Variants in ANO10 observed in about 807,000 individuals in gnomAD.
The protein encoded by ANO10 is anoctamin-10.
ANO10 carries 77 observed loss-of-function variants against 74.7 expected under a neutral mutation model. That is an observed-to-expected ratio of 1.03 (90% confidence interval 0.86 to 1.25). The LOEUF is 1.25. Among genes scored for constraint, ANO10 ranks in the 50% most tolerant of loss-of-function variants. The pLI is 0.00. For synonymous variants in ANO10, 279 were observed against 284.9 expected (o/e 0.98, Z 0.21); for missense variants, 721 against 778.1 (o/e 0.93, Z 0.87).
chr3:43,466,231 C>T (rs1018211405), intron 11 of ANO10, among the ~76,000 whole-genome samples: 5 of 151,486 alleles, frequency 3.3e-5, no homozygotes, highest in African/African-American at 9.7e-5. Flanking sequence ...ATTAGCCAGG[C>T]GTGGTGGTGC....
At chr3:43,455,614 G>C (rs530053180) in intron 11 of ANO10, among the ~76,000 whole-genome samples, 9 of 152,184 alleles carry the variant, frequency 5.9e-5, no homozygotes, top group Admixed American at 5.9e-4. Context: ...ATCCTTTCTG[G>C]GGCCAGCTAA....
At chr3:43,479,349 T>C (rs984408385) in intron 11 of ANO10, among the ~76,000 whole-genome samples, 40 of 152,344 alleles carry the variant, frequency 2.6e-4, no homozygotes, top group African/African-American at 9.4e-4. Context: ...CTTTTTCAAG[T>C]AGGTGAAGTT....
chr3:43,645,245 C>A (rs2083714749), intron 1 of ANO10, among the ~76,000 whole-genome samples: 1 of 152,162 alleles, frequency 6.6e-6, no homozygotes, highest in Admixed American at 6.6e-5. Flanking sequence ...AATCCCAGCA[C>A]TTTGGGAGGC....
At chr3:43,417,739 C>T (rs372521938) in intron 12 of ANO10, among the ~76,000 whole-genome samples, 22 of 151,928 alleles carry the variant, frequency 1.4e-4, no homozygotes, top group Non-Finnish European at 2.6e-4. Context: ...ATAGGCTGTG[C>T]GAGGATTAAT....
intron 1 of ANO10, among the ~76,000 whole-genome samples, chr3:43,656,911 G>A (rs1053458445): frequency 1.2e-4 from 19 of 152,368 alleles, no homozygotes; most frequent in Admixed American, 5.2e-4. Context: ...CTCAAGTGCC[G>A]CCAAAGTGGG....
At chr3:43,523,401 G>T (rs185674718) in intron 11 of ANO10, among the ~76,000 whole-genome samples, 3 of 152,290 alleles carry the variant, frequency 2.0e-5, no homozygotes, top group Admixed American at 2.0e-4. Context: ...GAAGGAGTAA[G>T]ATCAGATTTC....
At chr3:43,545,250 A>C (rs1175975579) in intron 11 of ANO10, among the ~76,000 whole-genome samples, 1 of 152,348 alleles carries the variant, frequency 6.6e-6, no homozygotes, top group Middle Eastern at 3.4e-3. Context: ...ACTCCAGTAA[A>C]AAATTCTATT....
chr3:43,556,264 A>G (rs1236340101), intron 9 of ANO10, among the ~76,000 whole-genome samples: 3 of 152,226 alleles, frequency 2.0e-5, no homozygotes, highest in Non-Finnish European at 4.4e-5. Context: ...CTGATACCCT[A>G]TGCTCAGCAT....
intron 12 of ANO10, among the ~76,000 whole-genome samples, chr3:43,381,176 A>C (rs935374031): frequency 6.6e-6 from 1 of 152,138 alleles, no homozygotes; most frequent in East Asian, 1.9e-4. Context: ...GGAAACTACA[A>C]TTCAAGATGA....
At chr3:43,555,968 G>A (rs1049139947) in intron 9 of ANO10, among the ~76,000 whole-genome samples, 2 of 152,062 alleles carry the variant, frequency 1.3e-5, no homozygotes, top group Non-Finnish European at 2.9e-5. Context: ...GGCTATTTTC[G>A]AGGTTCACCA....
intron 1 of ANO10, among the ~76,000 whole-genome samples, chr3:43,606,106 T>A (rs1049175249): frequency 2.0e-5 from 3 of 152,166 alleles, no homozygotes; most frequent in Admixed American, 1.3e-4. Context: ...AGAATAGACA[T>A]TTGTGTAAAT....
At chr3:43,531,512 G>C (rs1268243475) in intron 11 of ANO10, among the ~76,000 whole-genome samples, 1 of 152,068 alleles carries the variant, frequency 6.6e-6, no homozygotes, top group Non-Finnish European at 1.5e-5. Flanking sequence ...CTGCATTTTA[G>C]GTTTCTTATT....
intron 1 of ANO10, among the ~76,000 whole-genome samples, chr3:43,666,279 T>C (rs977939796): frequency 2.0e-5 from 3 of 152,158 alleles, no homozygotes; most frequent in African/African-American, 4.8e-5. Context: ...ACAGTGATGA[T>C]TCAAACAACT....
rs148350548 is a variant in ANO10 at position 43,461,252 on chromosome 3, G to C, written c.1798-28525C>G. On this transcript the variant is annotated intron_variant, in intron 11 of 12. Coordinates refer to ENST00000292246, the MANE Select transcript of ANO10 (RefSeq NM_018075.5). ...AAATAATGTGAACAACTTTATACCT[G>C]TAAGTTAAAAAACTTAGATGACATA... Among the ~76,000 whole-genome samples, 100 of 152,222 alleles carry C rather than the reference G, an allele frequency of 6.6e-4. No individual in the cohort carries two copies. The South Asian group carries it at 7.0e-3, about 11-fold the overall frequency.
intron 11 of ANO10, among the ~76,000 whole-genome samples, chr3:43,510,180 T>C (rs1209002529): frequency 6.6e-6 from 1 of 152,078 alleles, no homozygotes; most frequent in Non-Finnish European, 1.5e-5. Flanking sequence ...AAGCCTGTAA[T>C]CCTAGCACTG....
intron 9 of ANO10, among the ~76,000 whole-genome samples, chr3:43,556,953 C>T (rs2079780419): frequency 6.6e-6 from 1 of 152,052 alleles, no homozygotes; most frequent in African/African-American, 2.4e-5. Flanking sequence ...GAAAATCCAA[C>T]AAAATCTATA....
At chr3:43,669,286 C>A (rs955747212) in intron 1 of ANO10, among the ~76,000 whole-genome samples, 8 of 152,166 alleles carry the variant, frequency 5.3e-5, no homozygotes, top group Admixed American at 1.3e-4. Context: ...AAAATGGTTC[C>A]TTTTCCCTGC....
intron 12 of ANO10, among the ~76,000 whole-genome samples, chr3:43,412,722 T>G (rs79376222): frequency 0.017 from 2,613 of 152,294 alleles, 145 homozygotes; most frequent in Admixed American, 0.11. Context: ...TTCTCTATGG[T>G]AGAGCAATAT....
At chr3:43,630,551 A>C (rs769530196) in intron 1 of ANO10, among the ~76,000 whole-genome samples, 7 of 152,132 alleles carry the variant, frequency 4.6e-5, no homozygotes, top group Non-Finnish European at 7.4e-5. Flanking sequence ...ACCTCCTATG[A>C]GTATATATGC....
Sources: allele counts gnomAD v4.1 joint callset (sites outside exome capture counted in the v4.1 genomes callset), GRCh38; gene constraint gnomAD v4.1.1; transcripts MANE v1.5; gene names NCBI Gene and HGNC (gene_info 2026-07-23, HGNC 2026-07-21).